CELSR3: variants seen among roughly 807,000 people sequenced by gnomAD.
CELSR3 encodes the protein cadherin EGF LAG seven-pass G-type receptor 3, also known as EGF-like protein 1.
A neutral mutation model predicts 270.0 loss-of-function variants in CELSR3; 73 were observed. That is an observed-to-expected ratio of 0.27 (90% CI 0.22 to 0.33). The LOEUF (loss-of-function observed/expected upper bound fraction) is 0.33, where lower values mean the gene tolerates loss of function less well. Ranked by LOEUF, CELSR3 falls within the 10% of genes least tolerant of loss-of-function variation. The pLI is 1.00. For missense variants in CELSR3, 3,614 were observed against 4,533.8 expected (o/e 0.80, Z 5.83); for synonymous variants, 1,780 against 1,905.4 (o/e 0.93, Z 1.71).
Position 48,660,096 on chromosome 3 carries a change from T to C in CELSR3, c.2539A>G (p.Asn847Asp). Residue 847 changes from asparagine (N) to aspartate (D), a missense_variant, in exon 1 of 35, where the codon AAC becomes GAC. Asn to Asp is a conservative substitution (Grantham distance 23). Transcript: ENST00000164024. The surrounding 1 kb of genome is among the most constrained non-coding windows in gnomAD (Gnocchi z 5.5). Reference sequence around the variant, plus strand: ...CGATGAGTGTTGGCATCTGTGATGTTGATGTGCACATAGCAGTGATCATGA... The same window carrying C: ...CGATGAGTGTTGGCATCTGTGATGTCGATGTGCACATAGCAGTGATCATGA... ...ALHDHCYVHI[N>D]ITDANTHRPV... 1 of 1,614,200 alleles carries C rather than the reference T, an allele frequency of 6.2e-7. No homozygotes were observed. Among genetic ancestry groups the C allele is most frequent in the Non-Finnish European group, 8.5e-7 (1 of 1,180,040 alleles).
In CELSR3 at chr3:48,654,416, A is replaced by G. The variant is rs766746620; in HGVS notation, c.5025T>C (p.Gly1675=). 2 of 1,603,608 alleles carry G rather than the reference A, an allele frequency of 1.2e-6. No individual in the cohort carries two copies. Among genetic ancestry groups the G allele is most frequent in the Non-Finnish European group, 1.7e-6 (2 of 1,172,210 alleles). The stretch of plus-strand genomic sequence containing the variant: ...GGAAGTTCTCGGGGAGGTTGGGGAC[A>G]CCTCCCAGAAGAAGAGGGCCCGTCA... The part of the protein sequence containing the change: ...LDLTGPLLLG[G]VPNLPENFPV... Residue 1675 remains glycine, a synonymous_variant, in exon 7 of 35, where the codon GGT becomes GGC. Transcript: ENST00000164024. The surrounding 1 kb of genome is among the most constrained non-coding windows in gnomAD (Gnocchi z 5.4).
At position 48,648,465 on chromosome 3, in the gene CELSR3, G is replaced by C; in HGVS notation, c.6778-4C>G. Reference sequence around the variant, plus strand: ...CAGAGCCGGCCCACAGCAGATTCTGGGAAGACAGAGATAGAATTGGGTTCA... The same window carrying C: ...CAGAGCCGGCCCACAGCAGATTCTGCGAAGACAGAGATAGAATTGGGTTCA... On this transcript the variant is annotated splice_polypyrimidine_tract_variant and splice_region_variant and intron_variant, in intron 18 of 34. Transcript: ENST00000164024. 1 of 1,538,164 alleles carries C rather than the reference G, an allele frequency of 6.5e-7. No homozygotes were observed. Among genetic ancestry groups the C allele is most frequent in the Non-Finnish European group, 8.7e-7 (1 of 1,145,786 alleles).
In CELSR3 at chr3:48,642,581, G is replaced by A. The variant is rs1470829625; in HGVS notation, c.8556-114C>T. Reference sequence around the variant, plus strand: ...CGGGTGGAATGGCATCCCTGGGTGTGTGTGGTGGGAAGCATTTAGGGCAGA... The same window carrying A: ...CGGGTGGAATGGCATCCCTGGGTGTATGTGGTGGGAAGCATTTAGGGCAGA... On this transcript the variant is annotated intron_variant, in intron 30 of 34. Coordinates refer to ENST00000164024, the MANE Select transcript of CELSR3 (RefSeq NM_001407.3). The surrounding 1 kb of genome is among the most constrained non-coding windows in gnomAD (Gnocchi z 6.1). 3.5e-6 allele frequency: 5 copies of A among 1,426,588 alleles called. No individual in the cohort carries two copies. Among genetic ancestry groups the A allele is most frequent in the Non-Finnish European group, 4.8e-6 (5 of 1,052,514 alleles). 88.4% of individuals were successfully genotyped at this position (1,426,588 alleles called of 1,614,324 possible). A position where few individuals can be genotyped will look rare whatever the true frequency, so the allele number is the denominator to read the frequency against.
At position 48,655,661 on chromosome 3, in the gene CELSR3, C is replaced by T; in HGVS notation, c.4741+75G>A. The stretch of plus-strand genomic sequence containing the variant: ...GTGTGTGCTCAGGTGCACAGTGAAG[C>T]AAACCTGAGGGGACTTGGGCCCTGC... On this transcript the variant is annotated intron_variant, in intron 4 of 34. Transcript: ENST00000164024. This position sits in a 1 kb window ranked among gnomAD's most constrained non-coding sequence, Gnocchi z 5.8. The T allele has an allele frequency of 7.6e-7, 1 of 1,317,404 alleles. No individual in the cohort carries two copies. The highest frequency in any genetic ancestry group is 1.4e-5 in the African/African-American group (1 of 69,358). The allele number at this position is 1,317,404 out of a possible 1,614,324, so 81.6% of individuals were successfully genotyped here.
At position 48,657,017 on chromosome 3, in the gene CELSR3, C is replaced by T; in HGVS notation, c.4080G>A (p.Arg1360=). 6.2e-7 allele frequency: 1 copy of T among 1,613,452 alleles called. No individual in the cohort carries two copies. The highest frequency in any genetic ancestry group is 8.5e-7 in the Non-Finnish European group (1 of 1,179,748). ...GCAGGGAGCGAGCCGCCAGCGCCGC[C>T]CGGCGCACGTACAACTGCTCCTGCA... ...EELQEQLYVR[R]AALAARSLLD... Residue 1360 remains arginine (R), a synonymous_variant, in exon 2 of 35, where the codon CGG becomes CGA. Transcript: ENST00000164024. The surrounding 1 kb of genome is among the most constrained non-coding windows in gnomAD (Gnocchi z 5.4).
At chr3:48,648,039 C>A in intron 19 of CELSR3, 43 bp from the exon 20 acceptor site, 1 of 1,605,096 alleles carries the variant, frequency 6.2e-7, no homozygotes. Context: ...TGGACCTCTT[C>A]CCCCTGCCAA....
At position 48,639,106 on chromosome 3, in the gene CELSR3, C is replaced by T. The variant is rs906091175; in HGVS notation, c.9911+568G>A. Among the ~76,000 whole-genome samples the T allele has an allele frequency of 2.6e-4, 39 of 152,134 alleles. No individual in the cohort carries two copies. The highest frequency in any genetic ancestry group is 9.2e-4 in the African/African-American group (38 of 41,400). ...CTTCCCCACAGATGCTTCACACATA[C>T]CCGAGATGAACCAGGTTCCAACTCA... On this transcript the variant is annotated intron_variant, in intron 34 of 34. Transcript: ENST00000164024. The surrounding 1 kb of genome is among the most constrained non-coding windows in gnomAD (Gnocchi z 4.1).
intron 19 of CELSR3, 28 bp downstream of exon 19, chr3:48,648,238 G>C: frequency 7.4e-7 from 1 of 1,342,630 alleles, no homozygotes; most frequent in Non-Finnish European, 1.1e-6. Context: ...CCCCTGCTGT[G>C]CCCCGCCCTA....
rs1205201462 is a variant in CELSR3 at position 48,637,434 on chromosome 3, C to T, written c.*771G>A. The T allele has an allele frequency of 6.6e-6, 1 of 152,626 alleles. No individual in the cohort carries two copies. The highest frequency in any genetic ancestry group is 1.5e-5 in the Non-Finnish European group (1 of 68,040). The allele number at this position is 152,626 out of a possible 1,614,324, so 9.5% of individuals were successfully genotyped here. ...TGCTGCAGGGGCAGGTGAATGACCC[C>T]TCCACCGACCCTCTGCAGGAATGTC... On this transcript the variant is annotated 3_prime_UTR_variant, in exon 35 of 35. Transcript: ENST00000164024.
In CELSR3 at chr3:48,637,985, A is replaced by G. The variant is rs908325432; in HGVS notation, c.*220T>C. On this transcript the variant is annotated 3_prime_UTR_variant, in exon 35 of 35. Transcript: ENST00000164024. ...ATCTCTCTGGTTACAAAGGTACAAA[A>G]CGTATAAAAGTCTCCCTCCAGTCCC... is the stretch of plus-strand genomic sequence containing the variant. The G allele has an allele frequency of 1.9e-6, 1 of 520,620 alleles. No individual in the cohort carries two copies. The highest frequency in any genetic ancestry group is 3.5e-6 in the Non-Finnish European group (1 of 286,552). The allele number at this position is 520,620 out of a possible 1,614,324, so 32.3% of individuals were successfully genotyped here.
At position 48,654,974 on chromosome 3, in the gene CELSR3, A is replaced by T. The variant is rs570209660; in HGVS notation, c.4988+70T>A. ...AGAGTTTGGCAGGATGGGATGAGGA[A>T]TGGGATGTGAAGGGTTGGAGTGGGC... On this transcript the variant is annotated intron_variant, in intron 6 of 34. Transcript: ENST00000164024. The surrounding 1 kb of genome is among the most constrained non-coding windows in gnomAD (Gnocchi z 5.4). The T allele has an allele frequency of 7.0e-7, 1 of 1,431,676 alleles. No individual in the cohort carries two copies. The highest frequency in any genetic ancestry group is 2.3e-5 in the East Asian group (1 of 43,722). The allele number at this position is 1,431,676 out of a possible 1,614,324, so 88.7% of individuals were successfully genotyped here. A position where few individuals can be genotyped will look rare whatever the true frequency, so the allele number is the denominator to read the frequency against.
rs575549441 is a variant in CELSR3, at chr3:48,657,800, A to G, written c.3749-452T>C. Among the ~76,000 whole-genome samples, 1 of 152,126 alleles carries G rather than the reference A, an allele frequency of 6.6e-6. No individual in the cohort carries two copies. The highest frequency in any genetic ancestry group is 1.9e-4 in the East Asian group (1 of 5,172). On this transcript the variant is annotated intron_variant, in intron 1 of 34. Transcript: ENST00000164024. The surrounding 1 kb of genome is among the most constrained non-coding windows in gnomAD (Gnocchi z 5.4). ...CCTCCAGCATAGCAGAACCAGCAAA[A>G]CATCCCCCTCCAGAAAAGAAGGGTT...
At position 48,650,433 on chromosome 3, in the gene CELSR3, A is replaced by T; in HGVS notation, c.6472+47T>A. On this transcript the variant is annotated intron_variant, in intron 16 of 34. Coordinates refer to ENST00000164024, the MANE Select transcript of CELSR3 (RefSeq NM_001407.3). The surrounding 1 kb of genome is among the most constrained non-coding windows in gnomAD (Gnocchi z 5.1). Reference sequence around the variant, plus strand: ...GACATGGCTCTAGCAGTCAGAGTACAGGCCCACCCCCACCCTCAGTGATGT... The same window carrying T: ...GACATGGCTCTAGCAGTCAGAGTACTGGCCCACCCCCACCCTCAGTGATGT... 3.2e-6 allele frequency: 3 copies of T among 927,812 alleles called. No homozygotes were observed. Among genetic ancestry groups the T allele is most frequent in the East Asian group, 3.2e-5 (1 of 31,406 alleles). 57.5% of individuals were successfully genotyped at this position (927,812 alleles called of 1,614,324 possible).
chr3:48,648,917 T>A lies in CELSR3; in HGVS notation c.6579A>T (p.Leu2193=). ...TATCCAGTGCCGTCTTGTTCAGCTC[T>A]AGGCCATCCAGCTGCCAAGACAAGG... The part of the protein sequence containing the change: ...FRELSLLLDG[L]ELNKTALDTM... Residue 2193 remains leucine, a synonymous_variant, in exon 18 of 35, where the codon CTA becomes CTT. Coordinates refer to ENST00000164024, the MANE Select transcript of CELSR3 (RefSeq NM_001407.3). 1.2e-6 allele frequency: 2 copies of A among 1,612,782 alleles called. No individual in the cohort carries two copies. Among genetic ancestry groups the A allele is most frequent in the South Asian group, 2.2e-5 (2 of 91,080 alleles).
Position 48,644,676 on chromosome 3 carries a change from G to A in CELSR3, c.8085+40C>T, listed in dbSNP as rs768905272. The A allele has an allele frequency of 8.6e-6, 13 of 1,504,776 alleles. No homozygotes were observed. In the African/African-American group the frequency reaches 1.7e-4, roughly 19 times the overall value. 93.2% of individuals were successfully genotyped at this position (1,504,776 alleles called of 1,614,324 possible). ...CACTGCACCTCCTCCCCCAATGAGG[G>A]AGGGAAGTACAGAGGGGGCACCAAG... On this transcript the variant is annotated intron_variant, in intron 26 of 34. Transcript: ENST00000164024. This position sits in a 1 kb window ranked among gnomAD's most constrained non-coding sequence, Gnocchi z 4.8.
At position 48,662,070 on chromosome 3, in the gene CELSR3, G is replaced by C. The variant is rs536931994; in HGVS notation, c.565C>G (p.Arg189Gly). The C allele has an allele frequency of 2.5e-6, 4 of 1,614,080 alleles. No individual in the cohort carries two copies. The African/African-American group carries it at 4.0e-5, about 16-fold the overall frequency. Residue 189 changes from arginine (R) to glycine (G), a missense_variant, in exon 1 of 35, where the codon CGG (arginine) becomes GGG (glycine). By Grantham distance (125) the Arg-to-Gly change is moderately radical. Coordinates refer to ENST00000164024, the MANE Select transcript of CELSR3 (RefSeq NM_001407.3). The surrounding 1 kb of genome is among the most constrained non-coding windows in gnomAD (Gnocchi z 7.1). Reference protein sequence around the residue: ...HHGPKPVSSQRNAGTGSRKRV... With the variant: ...HHGPKPVSSQGNAGTGSRKRV... ...TTGCGGGAGCCTGTCCCAGCGTTCCGCTGGGAGGACACCGGCTTGGGACCG... is the reference window on the plus strand; with the variant it reads ...TTGCGGGAGCCTGTCCCAGCGTTCCCCTGGGAGGACACCGGCTTGGGACCG...
Position 48,638,015 on chromosome 3 carries a change from C to G in CELSR3, c.*190G>C. On this transcript the variant is annotated 3_prime_UTR_variant, in exon 35 of 35. Coordinates refer to ENST00000164024, the MANE Select transcript of CELSR3 (RefSeq NM_001407.3). ...TAAAAGTCTCCCTCCAGTCCCCCGTCTCTGCACCTGTCACACGCATGCTCA... is the reference window on the plus strand; with the variant it reads ...TAAAAGTCTCCCTCCAGTCCCCCGTGTCTGCACCTGTCACACGCATGCTCA... 1.7e-6 allele frequency: 1 copy of G among 578,398 alleles called. No individual in the cohort carries two copies. The highest frequency in any genetic ancestry group is 2.1e-5 in the South Asian group (1 of 46,796). 35.8% of individuals were successfully genotyped at this position (578,398 alleles called of 1,614,324 possible).
rs780273628 is a variant in CELSR3, at chr3:48,646,908, T to C, written c.7150A>G (p.Ile2384Val). ...ACACTTGAGGTGGTGGAGTTTTCTA[T>C]GCTGCTGCTTGTGGGCAGAACTGCC... ...PSEVLPTSSS[I>V]ENSTTSSVVP... The change falls in exon 21 of 35, where the codon ATA (isoleucine) becomes GTA (valine). Residue 2384 changes from isoleucine to valine, a missense_variant. Coordinates refer to ENST00000164024, the MANE Select transcript of CELSR3 (RefSeq NM_001407.3). The surrounding 1 kb of genome is among the most constrained non-coding windows in gnomAD (Gnocchi z 4.8). 2 of 1,552,906 alleles carry C rather than the reference T, an allele frequency of 1.3e-6. No homozygotes were observed. The highest frequency in any genetic ancestry group is 1.7e-6 in the Non-Finnish European group (2 of 1,155,064).
intron 2 of CELSR3, 30 bp from the exon 3 acceptor site, chr3:48,656,395 C>A: frequency 1.4e-6 from 2 of 1,390,460 alleles, no homozygotes; most frequent in South Asian, 1.6e-5. Flanking sequence ...CAGAGGCGGT[C>A]ACGCCCACGC....
Sources: gnomAD v4.1 joint callset for allele counts (sites outside exome capture counted in the v4.1 genomes callset) on GRCh38, gnomAD v4.1.1 for gene constraint, Gnocchi (gnomAD v3.1) non-coding constraint, MANE v1.5 for transcripts, NCBI Gene and HGNC (gene_info 2026-07-23, HGNC 2026-07-21) for gene names.